The following ZNF83 variants were observed in gnomAD, a reference collection of about 807,000 sequenced individuals.
ZNF83 encodes the protein zinc finger protein 816B.
For synonymous variants in ZNF83, 209 were observed against 213.0 expected (o/e 0.98, Z 0.17); for missense variants, 552 against 629.9 (o/e 0.88, Z 1.32).
At chr19:52,652,656 A>T (rs910491261) in intron 3 of ZNF83, 2 of 539,188 alleles carry the variant, frequency 3.7e-6, no homozygotes, top group African/African-American at 3.8e-5. Context: ...ATCTCTCTTC[A>T]TTATGGATTC....
rs73934595 is a variant in ZNF83, at chr19:52,652,128, G to A, written c.-74+3433C>T. 5.0e-3 allele frequency: 1,141 copies of A among 230,350 alleles called. 16 individuals carry two copies. The highest frequency in any genetic ancestry group is 0.025 in the African/African-American group (1,075 of 42,312). 14.3% of individuals were successfully genotyped at this position (230,350 alleles called of 1,614,324 possible). On this transcript the variant is annotated intron_variant, in intron 3 of 5. Transcript: ENST00000594682. Reference sequence around the variant, plus strand: ...GTATAGATTCCCTGATGTCTAATGCGGTGTGAATGTAAAGTAAAGACATTG... The same window carrying A: ...GTATAGATTCCCTGATGTCTAATGCAGTGTGAATGTAAAGTAAAGACATTG...
intron 1 of ZNF83, among the ~76,000 whole-genome samples, chr19:52,680,456 T>C (rs2061888537): frequency 1.3e-5 from 2 of 152,078 alleles, no homozygotes; most frequent in Admixed American, 6.6e-5. Context: ...CAAAACATCA[T>C]GGAGGAGTCA....
chr19:52,613,775 T>G, exon 3 of ZNF83: 1 of 1,610,850 alleles, frequency 6.2e-7, no homozygotes, highest in Non-Finnish European at 8.5e-7. Context: ...CCACATACAT[T>G]ACATCTGTAA....
chr19:52,619,443 T>C (rs1035417523), intron 2 of ZNF83, among the ~76,000 whole-genome samples: 1 of 151,922 alleles, frequency 6.6e-6, no homozygotes, highest in Non-Finnish European at 1.5e-5. Flanking sequence ...CTGGACAATA[T>C]GGTGAAACTC....
At chr19:52,682,421 C>A (rs1372090507) in intron 1 of ZNF83, among the ~76,000 whole-genome samples, 1 of 151,866 alleles carries the variant, frequency 6.6e-6, no homozygotes, top group Non-Finnish European at 1.5e-5. Flanking sequence ...GCCTGAAATC[C>A]CAACACTTTG....
At chr19:52,622,765 C>G (rs2147107916) in intron 2 of ZNF83, among the ~76,000 whole-genome samples, 1 of 149,894 alleles carries the variant, frequency 6.7e-6, no homozygotes, top group Middle Eastern at 3.5e-3. Flanking sequence ...ATCAACCAGT[C>G]AGCTCCTGAC....
upstream of ZNF83, among the ~76,000 whole-genome samples, chr19:52,638,691 T>G (rs1369747611): frequency 6.6e-6 from 1 of 152,226 alleles, no homozygotes; most frequent in Non-Finnish European, 1.5e-5. Context: ...CAGAACCGAA[T>G]AGAAATCCTC....
At chr19:52,633,880 A>T (rs911726510) in intron 2 of ZNF83, among the ~76,000 whole-genome samples, 1 of 152,194 alleles carries the variant, frequency 6.6e-6, no homozygotes, top group African/African-American at 2.4e-5. Flanking sequence ...ATTGCACTCC[A>T]GACTGGGCAA....
chr19:52,623,947 C>CTT (rs2060641183), intron 2 of ZNF83, among the ~76,000 whole-genome samples: 4 of 152,102 alleles, frequency 2.6e-5, no homozygotes, highest in African/African-American at 9.7e-5. Context: ...CTCAATACTG[C>CTT]CCTCCACAAC....
chr19:52,652,786 G>C (rs59091620), intron 3 of ZNF83: 121,008 of 845,264 alleles, frequency 0.14, 10,096 homozygotes, highest in East Asian at 0.28. Flanking sequence ...CCCACTAAAG[G>C]CTTTGCCACA....
intron 2 of ZNF83, among the ~76,000 whole-genome samples, chr19:52,659,249 G>A (rs1007469952): frequency 5.3e-5 from 8 of 152,078 alleles, no homozygotes; most frequent in Admixed American, 2.6e-4. Context: ...GGAAAGCTGC[G>A]ATGGAAGCAT....
chr19:52,639,376 G>T (rs1297530490), upstream of ZNF83, among the ~76,000 whole-genome samples: 1 of 145,640 alleles, frequency 6.9e-6, no homozygotes, highest in Non-Finnish European at 1.5e-5. Flanking sequence ...GTGAGCCACC[G>T]CGCCCGGCTT....
chr19:52,668,171 A>G (rs1032563487), intron 1 of ZNF83, among the ~76,000 whole-genome samples: 2 of 152,122 alleles, frequency 1.3e-5, no homozygotes, highest in African/African-American at 4.8e-5. Context: ...CGGCCTGGGG[A>G]TGACGTTCTC....
At chr19:52,673,765 G>A (rs893187742) in intron 1 of ZNF83, among the ~76,000 whole-genome samples, 1 of 150,430 alleles carries the variant, frequency 6.6e-6, no homozygotes, top group Non-Finnish European at 1.5e-5. Flanking sequence ...CAGGAGCAGT[G>A]GCTCTTTGGG....
At chr19:52,674,127 C>G (rs1201977161) in intron 1 of ZNF83, 2 of 151,950 alleles carry the variant, frequency 1.3e-5, no homozygotes, top group Non-Finnish European at 2.9e-5. Context: ...ACCAAATCCA[C>G]AGGTTAAAAA....
intron 1 of ZNF83, among the ~76,000 whole-genome samples, chr19:52,687,338 A>ATATAATTTATATAGCTATATAAAT (rs2062033551): frequency 7.9e-6 from 1 of 126,580 alleles, no homozygotes; most frequent in African/African-American, 3.3e-5. Context: ...ATATATAGAT[A>ATATAATTTATATAGCTATATAAAT]TATAATTTAT....
At chr19:52,615,653 G>A (rs1208113926) in intron 2 of ZNF83, among the ~76,000 whole-genome samples, 1 of 152,136 alleles carries the variant, frequency 6.6e-6, no homozygotes, top group Non-Finnish European at 1.5e-5. Flanking sequence ...GCACCACCCA[G>A]GAAGTGTTTT....
At chr19:52,630,000 C>A (rs1014733592) in intron 2 of ZNF83, among the ~76,000 whole-genome samples, 4 of 152,154 alleles carry the variant, frequency 2.6e-5, no homozygotes, top group Non-Finnish European at 5.9e-5. Flanking sequence ...GCCTGAACCA[C>A]AGTGGCCAGG....
At chr19:52,682,229 A>ATTT (rs1568584078) in intron 1 of ZNF83, among the ~76,000 whole-genome samples, 1 of 152,046 alleles carries the variant, frequency 6.6e-6, no homozygotes, top group Non-Finnish European at 1.5e-5. Context: ...AAAAAAACTT[A>ATTT]TTGCAAATGA....
Sources: gnomAD v4.1 joint callset for allele counts (sites outside exome capture counted in the v4.1 genomes callset) on GRCh38, gnomAD v4.1.1 for gene constraint, MANE v1.5 for transcripts, NCBI Gene and HGNC (gene_info 2026-07-23, HGNC 2026-07-21) for gene names.